Variants in VPS18 observed in about 807,000 individuals in gnomAD.
The protein encoded by VPS18 is VPS18 core subunit of CORVET and HOPS complexes, also known as vacuolar protein sorting-associated protein 18 homolog.
Under a neutral mutation model 82.0 loss-of-function variants are expected in VPS18, and 25 were observed. The ratio of observed to expected loss-of-function variants is 0.30; its 90% confidence interval spans 0.22 to 0.43. VPS18 has a LOEUF of 0.43. Ranked by LOEUF, VPS18 falls within the 20% of genes least tolerant of loss-of-function variation. The pLI is 1.00. For synonymous variants in VPS18, 523 were observed against 543.0 expected, an observed-to-expected ratio of 0.96 and a Z score of 0.51; for missense variants, 1,168 against 1,311.1, an observed-to-expected ratio of 0.89 and a Z score of 1.69.
At position 40,900,032 on chromosome 15, in the gene VPS18, T is replaced by C. The variant is rs558732902; in HGVS notation, c.1214T>C (p.Met405Thr). 6.2e-7 allele frequency: 1 copy of C among 1,613,972 alleles called. No homozygotes were observed. Among genetic ancestry groups the C allele is most frequent in the South Asian group, 1.1e-5 (1 of 91,080 alleles). ...ARDVWRTYLDMNRFDLAKEYC... is the reference protein window; with the variant it reads ...ARDVWRTYLDTNRFDLAKEYC... Reference sequence around the variant, plus strand: ...GATGTCTGGCGCACCTATCTGGACATGAACCGCTTCGATCTGGCCAAAGAG... The same window carrying C: ...GATGTCTGGCGCACCTATCTGGACACGAACCGCTTCGATCTGGCCAAAGAG... Residue 405 changes from methionine to threonine, a missense_variant, in exon 4 of 5, where the codon ATG becomes ACG. Around this residue, in one of 3 missense-constraint regions of VPS18, gnomAD observed 868 missense variants for 939.8 expected, o/e 0.92. Transcript: ENST00000220509. This position sits in a 1 kb window ranked among gnomAD's most constrained non-coding sequence, Gnocchi z 5.4.
chr15:40,899,968 C>G lies in VPS18; in HGVS notation c.1150C>G (p.Arg384Gly). 2 of 1,613,950 alleles carry G rather than the reference C, an allele frequency of 1.2e-6. 1 individual carries two copies. Among genetic ancestry groups the G allele is most frequent in the South Asian group, 2.2e-5 (2 of 91,086 alleles). The change falls in exon 4 of 5, where the codon CGG becomes GGG. Residue 384 changes from arginine to glycine, a missense_variant. Physicochemically the swap from Arg to Gly is moderately radical, Grantham distance 125. Coordinates refer to ENST00000220509, the MANE Select transcript of VPS18 (RefSeq NM_020857.3). The surrounding 1 kb of genome is among the most constrained non-coding windows in gnomAD (Gnocchi z 4.4). ...AGGCCAGCTGTGGGCCTACACTGAGCGGGCTGTCTTCCGCTACCACGTGCA... is the reference window on the plus strand; with the variant it reads ...AGGCCAGCTGTGGGCCTACACTGAGGGGGCTGTCTTCCGCTACCACGTGCA... ...STGQLWAYTE[R>G]AVFRYHVQRE...
Position 40,899,726 on chromosome 15 carries a change from ACT to A in VPS18, c.913_914del (p.Leu305AlafsTer78). On this transcript the variant is annotated frameshift_variant, in exon 4 of 5. Transcript: ENST00000220509. LOFTEE classifies it high-confidence loss of function. This position sits in a 1 kb window ranked among gnomAD's most constrained non-coding sequence, Gnocchi z 4.4. ...GGGGCATTGGACTGTGGGCGCCCTG[ACT>A]CTCTGCTGAGCGAGGAGCGAGTCTG... 6.2e-7 allele frequency: 1 copy of A among 1,613,818 alleles called. No individual in the cohort carries two copies. Among genetic ancestry groups the A allele is most frequent in the Non-Finnish European group, 8.5e-7 (1 of 1,180,004 alleles).
Position 40,894,638 on chromosome 15 carries a change from C to T in VPS18, c.-131C>T, listed in dbSNP as rs1292747108. ...CCTCAGGATTTTAAAGAGGAGGCGA[C>T]GGCTGCAGGTTCCCAGGATCTGTCA... On this transcript the variant is annotated 5_prime_UTR_variant, in exon 1 of 5. It adds an upstream start codon to the 5' untranslated region. Coordinates refer to ENST00000220509, the MANE Select transcript of VPS18 (RefSeq NM_020857.3). 10 of 774,104 alleles carry T rather than the reference C, an allele frequency of 1.3e-5. No individual in the cohort carries two copies. The highest frequency in any genetic ancestry group is 1.6e-5 in the Non-Finnish European group (8 of 508,054). 48.0% of individuals were successfully genotyped at this position (774,104 alleles called of 1,614,324 possible).
rs755626203 is a variant in VPS18, at chr15:40,902,978, T to G, written c.2559T>G (p.Cys853Trp). ...RYGTVEPQDK[C>W]ATCDFPLLNR... ...GCACTGTGGAGCCCCAGGACAAATG[T>G]GCCACCTGCGACTTCCCCCTGCTCA... The change falls in exon 5 of 5, where the codon TGT (cysteine) becomes TGG (tryptophan). Residue 853 changes from cysteine (C) to tryptophan (W), a missense_variant. Coordinates refer to ENST00000220509, the MANE Select transcript of VPS18 (RefSeq NM_020857.3). The surrounding 1 kb of genome is among the most constrained non-coding windows in gnomAD (Gnocchi z 4.2). 6.2e-7 allele frequency: 1 copy of G among 1,614,272 alleles called. No individual in the cohort carries two copies. Among genetic ancestry groups the G allele is most frequent in the Admixed American group, 1.7e-5 (1 of 60,032 alleles).
At chr15:40,901,134 G>C in intron 4 of VPS18, 120 bp downstream of exon 4, 1 of 1,048,172 alleles carries the variant, frequency 9.5e-7, no homozygotes, top group South Asian at 1.6e-5. Context: ...GAGAGGGAAG[G>C]TTAAGAGCAT....
chr15:40,895,056 C>T (rs940081111), intron 1 of VPS18, among the ~76,000 whole-genome samples, 197 bp downstream of exon 1: 8 of 152,316 alleles, frequency 5.3e-5, no homozygotes, highest in Admixed American at 5.2e-4. Flanking sequence ...GGAGCTGCCG[C>T]GTGATCTAGG....
chr15:40,894,653 A>G lies in VPS18; in HGVS notation c.-116A>G. On this transcript the variant is annotated 5_prime_UTR_variant, in exon 1 of 5. Transcript: ENST00000220509. ...GAGGAGGCGACGGCTGCAGGTTCCCAGGATCTGTCAGAGGCTGGGGAGTTA... is the reference window on the plus strand; with the variant it reads ...GAGGAGGCGACGGCTGCAGGTTCCCGGGATCTGTCAGAGGCTGGGGAGTTA... 1.0e-6 allele frequency: 1 copy of G among 964,718 alleles called. No individual in the cohort carries two copies. The highest frequency in any genetic ancestry group is 1.7e-5 in the African/African-American group (1 of 59,316). The allele number at this position is 964,718 out of a possible 1,614,324, so 59.8% of individuals were successfully genotyped here.
At chr15:40,895,373 G>A (rs150556058) in intron 1 of VPS18, among the ~76,000 whole-genome samples, 2 of 152,146 alleles carry the variant, frequency 1.3e-5, no homozygotes, top group Non-Finnish European at 1.5e-5. Context: ...GGACGTTTTT[G>A]TAGAAAGTAG....
At chr15:40,901,148 CTG>C in intron 4 of VPS18, 134 bp downstream of exon 4, 2 of 937,942 alleles carry the variant, frequency 2.1e-6, no homozygotes, top group Non-Finnish European at 3.1e-6. Flanking sequence ...AGAGCATGGA[CTG>C]TTAAGTCAGA....
In VPS18 at chr15:40,902,545, A is replaced by G; in HGVS notation, c.2197-71A>G. 6.5e-7 allele frequency: 1 copy of G among 1,528,892 alleles called. No individual in the cohort carries two copies. Among genetic ancestry groups the G allele is most frequent in the East Asian group, 2.3e-5 (1 of 44,024 alleles). 94.7% of individuals were successfully genotyped at this position (1,528,892 alleles called of 1,614,324 possible). On this transcript the variant is annotated intron_variant, in intron 4 of 4. Coordinates refer to ENST00000220509, the MANE Select transcript of VPS18 (RefSeq NM_020857.3). This position sits in a 1 kb window ranked among gnomAD's most constrained non-coding sequence, Gnocchi z 4.2. Reference sequence around the variant, plus strand: ...CCTGCCTCGGGGCCTCTCCTCGGCCATCTCTCTCTCCCATAGTCTCCATGT... The same window carrying G: ...CCTGCCTCGGGGCCTCTCCTCGGCCGTCTCTCTCTCCCATAGTCTCCATGT...
At chr15:40,901,201 TGG>T (rs1892351488) in intron 4 of VPS18, among the ~76,000 whole-genome samples, 187 bp downstream of exon 4, 1 of 152,178 alleles carries the variant, frequency 6.6e-6, no homozygotes, top group Non-Finnish European at 1.5e-5. Context: ...TGTGTGACCT[TGG>T]GTTAGTTTCT....
rs1249864768 is a variant in VPS18, at chr15:40,899,229, G to A, written c.411G>A (p.Trp137Ter). The A allele has an allele frequency of 6.2e-7, 1 of 1,614,258 alleles. No homozygotes were observed. Among genetic ancestry groups the A allele is most frequent in the East Asian group, 2.2e-5 (1 of 44,888 alleles). ...NGQKVRPLARWKGQLVESVGW... is the reference protein window; with the variant it reads ...NGQKVRPLAR ...AGAAGGTACGGCCACTAGCACGCTG[G>A]AAGGGGCAGCTGGTGGAGAGTGTGG... Residue 137 changes from tryptophan to a stop codon, truncating the protein, a stop_gained, in exon 4 of 5, where the codon TGG becomes TGA. Transcript: ENST00000220509. LOFTEE classifies it high-confidence loss of function. The surrounding 1 kb of genome is among the most constrained non-coding windows in gnomAD (Gnocchi z 4.4).
rs1295860608 is a variant in VPS18 at position 40,903,149 on chromosome 15, G to A, written c.2730G>A (p.Lys910=). Residue 910 remains lysine (K), a synonymous_variant, in exon 5 of 5, where the codon AAG becomes AAA. Transcript: ENST00000220509. The part of the protein sequence containing the change: ...RKLGAAPPPA[K]GSARAKEAEG... The stretch of plus-strand genomic sequence containing the variant: ...TGGGGGCTGCTCCACCCCCAGCCAA[G>A]GGCTCTGCCCGGGCCAAGGAGGCCG... 8 of 1,607,228 alleles carry A rather than the reference G, an allele frequency of 5.0e-6. No homozygotes were observed. Among genetic ancestry groups the A allele is most frequent in the Non-Finnish European group, 6.8e-6 (8 of 1,176,786 alleles).
chr15:40,895,851 G>A, intron 1 of VPS18, 87 bp from the exon 2 acceptor site: 5 of 1,560,308 alleles, frequency 3.2e-6, no homozygotes, highest in East Asian at 2.2e-5. Flanking sequence ...GGAAAGTGGC[G>A]AGGAGCACTG....
chr15:40,896,376 C>T (rs1892230019), intron 2 of VPS18, among the ~76,000 whole-genome samples: 1 of 151,938 alleles, frequency 6.6e-6, no homozygotes, highest in African/African-American at 2.4e-5. Flanking sequence ...CCCGTCTCTA[C>T]CAAAACAAAT....
rs775301544 is a variant in VPS18, at chr15:40,900,205, G to A, written c.1387G>A (p.Ala463Thr). 1 of 1,613,792 alleles carries A rather than the reference G, an allele frequency of 6.2e-7. No homozygotes were observed. The highest frequency in any genetic ancestry group is 8.5e-7 in the Non-Finnish European group (1 of 1,180,026). ...FEEIALKFLE[A>T]RQEEALAEFL... ...GGAGATTGCCCTCAAGTTCCTGGAG[G>A]CCCGACAGGAGGAGGCTCTGGCTGA... Residue 463 changes from alanine to threonine, a missense_variant, in exon 4 of 5, where the codon GCC (alanine) becomes ACC (threonine). Transcript: ENST00000220509. The surrounding 1 kb of genome is among the most constrained non-coding windows in gnomAD (Gnocchi z 5.4).
chr15:40,900,575 T>C lies in VPS18; in HGVS notation c.1757T>C (p.Leu586Pro), dbSNP rs755831113. The C allele has an allele frequency of 3.3e-4, 525 of 1,613,770 alleles. 1 individual carries two copies. Among genetic ancestry groups the C allele is most frequent in the Non-Finnish European group, 4.3e-4 (513 of 1,180,020 alleles). ...GCCTACGAGGAGGCCCTGGCCGTGC[T>C]CGCCCGCCACCGTGACCCCCAGCTC... is the stretch of plus-strand genomic sequence containing the variant. ...HEAYEEALAVLARHRDPQLFY... is the reference protein window; with the variant it reads ...HEAYEEALAVPARHRDPQLFY... The change falls in exon 4 of 5, where the codon CTC (leucine) becomes CCC (proline). Residue 586 changes from leucine (L) to proline (P), a missense_variant. By Grantham distance (98) the Leu-to-Pro change is moderately conservative. Transcript: ENST00000220509. This position sits in a 1 kb window ranked among gnomAD's most constrained non-coding sequence, Gnocchi z 5.4.
intron 2 of VPS18, 124 bp from the exon 3 acceptor site, chr15:40,898,783 T>C (rs1892281774): frequency 9.3e-7 from 1 of 1,070,014 alleles, no homozygotes; most frequent in Non-Finnish European, 1.4e-6. Flanking sequence ...GTATTCAGCA[T>C]TTTATGCATA....
chr15:40,902,465 C>T lies in VPS18; in HGVS notation c.2197-151C>T. ...ATTGGAGCCCTACTACTCTAAGTAG[C>T]TTTTACATAGCTGTGGCAGCGGCAG... is the stretch of plus-strand genomic sequence containing the variant. On this transcript the variant is annotated intron_variant, in intron 4 of 4. Transcript: ENST00000220509. The surrounding 1 kb of genome is among the most constrained non-coding windows in gnomAD (Gnocchi z 4.2). The T allele has an allele frequency of 1.8e-6, 2 of 1,117,312 alleles. No homozygotes were observed. The highest frequency in any genetic ancestry group is 3.3e-5 in the South Asian group (2 of 61,034). 69.2% of individuals were successfully genotyped at this position (1,117,312 alleles called of 1,614,324 possible).
Sources: gnomAD v4.1 joint callset for allele counts (sites outside exome capture counted in the v4.1 genomes callset) on GRCh38, gnomAD v4.1.1 for gene constraint, gnomAD v4.1.1 regional missense constraint, Gnocchi (gnomAD v3.1) non-coding constraint, MANE v1.5 for transcripts, NCBI Gene and HGNC (gene_info 2026-07-23, HGNC 2026-07-21) for gene names.